SLC6A4: variants seen among roughly 807,000 people sequenced by gnomAD.
The protein encoded by SLC6A4 is sodium-dependent serotonin transporter.
SLC6A4 carries 22 observed loss-of-function variants against 73.4 expected under a neutral mutation model. The observed-to-expected ratio is 0.30, with a 90% confidence interval of 0.21 to 0.43. The LOEUF (loss-of-function observed/expected upper bound fraction) is 0.43. Ranked by LOEUF, SLC6A4 falls within the 20% of genes least tolerant of loss-of-function variation. The probability of loss-of-function intolerance (pLI) is 1.00; values close to 1 mark genes in which losing one functional copy is unlikely to be tolerated. For synonymous variants in SLC6A4, 270 were observed against 315.5 expected, an observed-to-expected ratio of 0.86 and a Z score of 1.53; for missense variants, 593 against 808.5, an observed-to-expected ratio of 0.73 and a Z score of 3.23.
At chr17:30,207,887 C>A in intron 12 of SLC6A4, 55 bp from the exon 13 acceptor site, 3 of 1,262,970 alleles carry the variant, frequency 2.4e-6, no homozygotes, top group Non-Finnish European at 3.4e-6. Flanking sequence ...ATGGGCTGTG[C>A]TGCTGTGCCC....
rs768665250 is a variant in SLC6A4 at position 30,209,211 on chromosome 17, TCCTCCAGCAGCTTCACCACGTAGGCC to T, written c.1455_1480del (p.Ala486ValfsTer75). 1 of 1,613,650 alleles carries T rather than the reference TCCTCCAGCAGCTTCACCACGTAGGCC, an allele frequency of 6.2e-7. No individual in the cohort carries two copies. Among genetic ancestry groups the T allele is most frequent in the Admixed American group, 1.7e-5 (1 of 60,014 alleles). Reference sequence around the variant, plus strand: ...GAGCACTGCGGGCCCCGTGGCATACTCCTCCAGCAGCTTCACCACGTAGGCCCCTCCCTGGAGGGGAGAGCAGAGCC... The same window carrying T: ...GAGCACTGCGGGCCCCGTGGCATACTCCTCCCTGGAGGGGAGAGCAGAGCC... On this transcript the variant is annotated frameshift_variant, in exon 12 of 15. Coordinates refer to ENST00000650711, the MANE Select transcript of SLC6A4 (RefSeq NM_001045.6). LOFTEE classifies it high-confidence loss of function.
intron 11 of SLC6A4, among the ~76,000 whole-genome samples, chr17:30,209,981 C>T (rs1906331830): frequency 1.3e-5 from 2 of 152,032 alleles, no homozygotes; most frequent in African/African-American, 2.4e-5. Context: ...ACTGGGGTTC[C>T]ACTCAGTCCC....
intron 3 of SLC6A4, among the ~76,000 whole-genome samples, chr17:30,221,335 A>G (rs1381008511): frequency 6.6e-6 from 1 of 152,088 alleles, no homozygotes; most frequent in Non-Finnish European, 1.5e-5. Context: ...GTCTTACGCC[A>G]GTGAAGACTG....
At position 30,211,277 on chromosome 17, in the gene SLC6A4, C is replaced by T; in HGVS notation, c.1317+35G>A. On this transcript the variant is annotated intron_variant, in intron 10 of 14. Coordinates refer to ENST00000650711, the MANE Select transcript of SLC6A4 (RefSeq NM_001045.6). This position sits in a 1 kb window ranked among gnomAD's most constrained non-coding sequence, Gnocchi z 4.0. ...GAGTCCTCCTCCTTTCCTCTTCATC[C>T]TCCCACAGCCCATTTCCCCTTCCCA... 1 of 1,356,898 alleles carries T rather than the reference C, an allele frequency of 7.4e-7. No homozygotes were observed. The highest frequency in any genetic ancestry group is 1.1e-6 in the Non-Finnish European group (1 of 949,024). The allele number at this position is 1,356,898 out of a possible 1,614,324, so 84.1% of individuals were successfully genotyped here.
intron 3 of SLC6A4, among the ~76,000 whole-genome samples, chr17:30,219,866 C>A (rs1906690055): frequency 6.6e-6 from 1 of 152,188 alleles, no homozygotes; most frequent in South Asian, 2.1e-4. Context: ...CAGAAAGGTC[C>A]ATGTAATTTA....
In SLC6A4 at chr17:30,231,162, T is replaced by C. The variant is rs537255531; in HGVS notation, c.-221+4451A>G. Among the ~76,000 whole-genome samples, 6 of 152,188 alleles carry C rather than the reference T, an allele frequency of 3.9e-5. No homozygotes were observed. In the South Asian group the frequency reaches 1.2e-3, roughly 32 times the overall value. On this transcript the variant is annotated intron_variant, in intron 1 of 14. Transcript: ENST00000650711. Reference sequence around the variant, plus strand: ...TTTCCCCAGCATGAAAATGGCGCTGTGGTTACGTACAAGAAGGTCCTTGTT... The same window carrying C: ...TTTCCCCAGCATGAAAATGGCGCTGCGGTTACGTACAAGAAGGTCCTTGTT...
chr17:30,226,953 A>G (rs1377198580), intron 1 of SLC6A4, among the ~76,000 whole-genome samples: 1 of 152,144 alleles, frequency 6.6e-6, no homozygotes, highest in Non-Finnish European at 1.5e-5. Context: ...CAAGCCTAAA[A>G]TCTGAAAAAG....
intron 1 of SLC6A4, among the ~76,000 whole-genome samples, chr17:30,231,433 G>GTA (rs748545934): frequency 3.2e-4 from 48 of 150,516 alleles, no homozygotes; most frequent in Middle Eastern, 3.5e-3. Flanking sequence ...ATGTACATAT[G>GTA]TATATATATA....
chr17:30,224,754 G>T (rs1443101856), intron 1 of SLC6A4, among the ~76,000 whole-genome samples: 1 of 152,166 alleles, frequency 6.6e-6, no homozygotes, highest in Non-Finnish European at 1.5e-5. Flanking sequence ...CAAATGATTT[G>T]TTCTGGATTT....
chr17:30,216,867 GTTTGTTTGTT>G (rs1567819788), intron 6 of SLC6A4, among the ~76,000 whole-genome samples: 1 of 118,854 alleles, frequency 8.4e-6, no homozygotes, highest in Non-Finnish European at 1.9e-5. Context: ...TTGTTTGTTT[GTTTGTTTGTT>G]TAAGTAGAGA....
Position 30,198,308 on chromosome 17 carries a change from G to A in SLC6A4, c.*148C>T, listed in dbSNP as rs1257264987. ...ATAAGTGGCTGGAGGCCTTGAGTCT[G>A]GGCACCAGACTGTGTCCCTGTGGAG... On this transcript the variant is annotated 3_prime_UTR_variant, in exon 15 of 15. Coordinates refer to ENST00000650711, the MANE Select transcript of SLC6A4 (RefSeq NM_001045.6). The A allele has an allele frequency of 5.4e-6, 3 of 557,708 alleles. No individual in the cohort carries two copies. Among genetic ancestry groups the A allele is most frequent in the Non-Finnish European group, 9.7e-6 (3 of 310,120 alleles). The allele number at this position is 557,708 out of a possible 1,614,324, so 34.5% of individuals were successfully genotyped here. A position where few individuals can be genotyped will look rare whatever the true frequency, so the allele number is the denominator to read the frequency against.
intron 8 of SLC6A4, among the ~76,000 whole-genome samples, chr17:30,213,508 G>A (rs1000941423): frequency 5.9e-5 from 9 of 151,862 alleles, no homozygotes; most frequent in African/African-American, 2.2e-4. Context: ...TCCCCATGTT[G>A]GCCAGGCTGG....
intron 2 of SLC6A4, 125 bp downstream of exon 2, chr17:30,222,694 C>T: frequency 2.5e-6 from 2 of 795,178 alleles, no homozygotes; most frequent in Non-Finnish European, 3.8e-6. Flanking sequence ...TCTTTTAGCC[C>T]CTAGGAAGGT....
At chr17:30,220,020 C>T (rs1490979775) in intron 3 of SLC6A4, among the ~76,000 whole-genome samples, 4 of 152,142 alleles carry the variant, frequency 2.6e-5, no homozygotes, top group African/African-American at 7.2e-5. Context: ...TTACATAATG[C>T]CCAGGCTAAA....
intron 8 of SLC6A4, among the ~76,000 whole-genome samples, chr17:30,213,895 C>T (rs1025004328): frequency 6.6e-6 from 1 of 151,898 alleles, no homozygotes; most frequent in Non-Finnish European, 1.5e-5. Flanking sequence ...CATAGGCATG[C>T]ACCACCACAC....
chr17:30,220,151 T>C (rs1906701400), intron 3 of SLC6A4, among the ~76,000 whole-genome samples: 1 of 152,092 alleles, frequency 6.6e-6, no homozygotes, highest in Non-Finnish European at 1.5e-5. Flanking sequence ...CAGAAATCTT[T>C]AAAAGAGAGT....
chr17:30,230,709 T>C (rs1008730906), intron 1 of SLC6A4, among the ~76,000 whole-genome samples: 2 of 151,882 alleles, frequency 1.3e-5, no homozygotes, highest in Admixed American at 6.6e-5. Flanking sequence ...CCCATTTCTC[T>C]GGGTGGGGCA....
Position 30,198,178 on chromosome 17 carries a change from A to G in SLC6A4, c.*278T>C. On this transcript the variant is annotated 3_prime_UTR_variant, in exon 15 of 15. Transcript: ENST00000650711. ...TCTAAACCTAATCCTAACTGATGAT[A>G]GGGTGGTTTTCATCACCTCCATCCA... 1 of 365,164 alleles carries G rather than the reference A, an allele frequency of 2.7e-6. No individual in the cohort carries two copies. The highest frequency in any genetic ancestry group is 4.9e-6 in the Non-Finnish European group (1 of 203,890). The allele number at this position is 365,164 out of a possible 1,614,324, so 22.6% of individuals were successfully genotyped here. A position where few individuals can be genotyped will look rare whatever the true frequency, so the allele number is the denominator to read the frequency against.
At position 30,216,807 on chromosome 17, in the gene SLC6A4, T is replaced by C. The variant is rs186742486; in HGVS notation, c.837+359A>G. Among the ~76,000 whole-genome samples the C allele has an allele frequency of 3.5e-3, 530 of 152,194 alleles. 1 individual carries two copies. The highest frequency in any genetic ancestry group is 0.01 in the African/African-American group (433 of 41,542). On this transcript the variant is annotated intron_variant, in intron 6 of 14. Transcript: ENST00000650711. ...CCTCAGCCTCCCGAGTAGCTGGGATTACAGGCACCTGCCACCACACCTGGC... is the reference window on the plus strand; with the variant it reads ...CCTCAGCCTCCCGAGTAGCTGGGATCACAGGCACCTGCCACCACACCTGGC...
Sources: allele counts gnomAD v4.1 joint callset (sites outside exome capture counted in the v4.1 genomes callset), GRCh38; gene constraint gnomAD v4.1.1; non-coding constraint Gnocchi (gnomAD v3.1); transcripts MANE v1.5; gene names NCBI Gene and HGNC (gene_info 2026-07-23, HGNC 2026-07-21).